The following STRN variants were observed in gnomAD, a reference collection of about 807,000 sequenced individuals.
STRN encodes the protein protein phosphatase 2 regulatory subunit B'''alpha.
STRN carries 53 observed loss-of-function variants against 96.3 expected under a neutral mutation model. That is an observed-to-expected ratio of 0.55 (90% CI 0.44 to 0.69). The LOEUF (loss-of-function observed/expected upper bound fraction) is 0.69. Ranked by LOEUF, STRN falls within the 30% of genes least tolerant of loss-of-function variation. The pLI, the probability that STRN is intolerant of heterozygous loss-of-function variation, is 0.00. For missense variants in STRN, 987 were observed against 963.9 expected (o/e 1.02, Z -0.32); for synonymous variants, 428 against 355.9 (o/e 1.20, Z -2.28).
chr2:36,875,751 G>T (rs553058515), intron 10 of STRN, among the ~76,000 whole-genome samples: 1 of 151,498 alleles, frequency 6.6e-6, no homozygotes, highest in Non-Finnish European at 1.5e-5. Flanking sequence ...CTGCCTCCCG[G>T]GTTCACGCCA....
At chr2:36,856,022 C>A (rs1200973901) in intron 14 of STRN, among the ~76,000 whole-genome samples, 1 of 152,092 alleles carries the variant, frequency 6.6e-6, no homozygotes. Context: ...AATGTGCATA[C>A]TGCAGAAGAA....
intron 12 of STRN, chr2:36,867,608 A>C (rs759316895): frequency 1.2e-4 from 45 of 367,646 alleles, no homozygotes; most frequent in Non-Finnish European, 1.9e-4. Context: ...CTTAAACACC[A>C]TGTAAATAAA....
intron 3 of STRN, among the ~76,000 whole-genome samples, chr2:36,909,765 G>T (rs1381093853): frequency 3.3e-5 from 5 of 152,076 alleles, no homozygotes; most frequent in African/African-American, 1.2e-4. Flanking sequence ...TAGAACCAAT[G>T]ATAAAGAGAA....
At chr2:36,944,350 A>G (rs1351561876) in intron 1 of STRN, among the ~76,000 whole-genome samples, 8 of 152,226 alleles carry the variant, frequency 5.3e-5, no homozygotes, top group Admixed American at 5.2e-4. Flanking sequence ...AGAAGGAAAT[A>G]TATGGCTGCA....
intron 1 of STRN, among the ~76,000 whole-genome samples, 199 bp downstream of exon 1, chr2:36,966,031 G>A (rs934481336): frequency 6.6e-6 from 1 of 151,914 alleles, no homozygotes; most frequent in Non-Finnish European, 1.5e-5. Flanking sequence ...CACCAGGAGC[G>A]GGAGTGAGAA....
intron 3 of STRN, 136 bp from the exon 4 acceptor site, chr2:36,905,754 A>G: frequency 1.5e-6 from 1 of 673,210 alleles, no homozygotes; most frequent in East Asian, 2.8e-5. Flanking sequence ...GTGTTAGGAT[A>G]ATGTAAGTTC....
In STRN at chr2:36,849,657, T is replaced by A. The variant is rs765510073; in HGVS notation, c.2174-32A>T. On this transcript the variant is annotated intron_variant, in intron 17 of 17. Coordinates refer to ENST00000263918, the MANE Select transcript of STRN (RefSeq NM_003162.4). ...CCAAAAAAAAAATTAAAAGGAAAAA[T>A]TACATTAACATGAAAATGGTAAGGA... The A allele has an allele frequency of 1.1e-5, 17 of 1,611,840 alleles. No individual in the cohort carries two copies. The Admixed American group carries it at 1.7e-4, about 16-fold the overall frequency.
At chr2:36,861,651 C>T (rs2148138045) in intron 12 of STRN, among the ~76,000 whole-genome samples, 2 of 151,940 alleles carry the variant, frequency 1.3e-5, no homozygotes, top group Middle Eastern at 6.8e-3. Flanking sequence ...AAAAGTATGC[C>T]AATCTCTGTG....
chr2:36,913,024 C>T (rs767956100), intron 3 of STRN, among the ~76,000 whole-genome samples: 1 of 152,160 alleles, frequency 6.6e-6, no homozygotes, highest in Non-Finnish European at 1.5e-5. Flanking sequence ...AGAACTAGTT[C>T]CTGCATATTT....
At position 36,847,502 on chromosome 2, in the gene STRN, G is replaced by A. The variant is rs1229692018; in HGVS notation, c.*1954C>T. 1 of 152,068 alleles carries A rather than the reference G, an allele frequency of 6.6e-6. No homozygotes were observed. Among genetic ancestry groups the A allele is most frequent in the African/African-American group, 2.4e-5 (1 of 41,426 alleles). The allele number at this position is 152,068 out of a possible 1,614,324, so 9.4% of individuals were successfully genotyped here. ...TTTACTGAACACAATATGGAATTCTGTATCTGCATGGAAATATTAAGTATT... is the reference window on the plus strand; with the variant it reads ...TTTACTGAACACAATATGGAATTCTATATCTGCATGGAAATATTAAGTATT... On this transcript the variant is annotated 3_prime_UTR_variant, in exon 18 of 18. Coordinates refer to ENST00000263918, the MANE Select transcript of STRN (RefSeq NM_003162.4).
intron 2 of STRN, 51 bp from the exon 3 acceptor site, chr2:36,916,202 A>C (rs747224290): frequency 6.8e-7 from 1 of 1,473,430 alleles, no homozygotes; most frequent in Non-Finnish European, 9.4e-7. Context: ...GTTTAAATTA[A>C]CATACACAAT....
Position 36,847,920 on chromosome 2 carries a change from A to C in STRN, c.*1536T>G, listed in dbSNP as rs1265011111. 1 of 152,216 alleles carries C rather than the reference A, an allele frequency of 6.6e-6. No individual in the cohort carries two copies. The highest frequency in any genetic ancestry group is 2.4e-5 in the African/African-American group (1 of 41,460). The allele number at this position is 152,216 out of a possible 1,614,324, so 9.4% of individuals were successfully genotyped here. A position where few individuals can be genotyped will look rare whatever the true frequency, so the allele number is the denominator to read the frequency against. On this transcript the variant is annotated 3_prime_UTR_variant, in exon 18 of 18. Coordinates refer to ENST00000263918, the MANE Select transcript of STRN (RefSeq NM_003162.4). Reference sequence around the variant, plus strand: ...AGATTTAATATTTTTAAAATCTAAGAGCCTATTTATATGTTTTTTGGTGGA... The same window carrying C: ...AGATTTAATATTTTTAAAATCTAAGCGCCTATTTATATGTTTTTTGGTGGA...
At chr2:36,899,688 T>C (rs375846243) in intron 5 of STRN, 30 bp from the exon 6 acceptor site, 4 of 1,538,172 alleles carry the variant, frequency 2.6e-6, no homozygotes, top group Non-Finnish European at 3.5e-6. Context: ...TCCTGCTTAG[T>C]TAATCTTTTT....
At chr2:36,940,191 C>A (rs999860489) in intron 1 of STRN, among the ~76,000 whole-genome samples, 1 of 151,944 alleles carries the variant, frequency 6.6e-6, no homozygotes, top group Non-Finnish European at 1.5e-5. Context: ...TAAACATATT[C>A]AAATGAGGCA....
At chr2:36,904,848 G>C (rs1419465825) in intron 4 of STRN, among the ~76,000 whole-genome samples, 1 of 151,852 alleles carries the variant, frequency 6.6e-6, no homozygotes, top group Non-Finnish European at 1.5e-5. Context: ...CTGAATGAAT[G>C]AATGAATGAA....
intron 8 of STRN, among the ~76,000 whole-genome samples, chr2:36,885,487 G>A (rs1056358762): frequency 3.9e-5 from 6 of 152,018 alleles, no homozygotes; most frequent in African/African-American, 1.4e-4. Context: ...TATATTTGGC[G>A]AAAAGGTATG....
At chr2:36,965,476 T>G (rs901729072) in intron 1 of STRN, among the ~76,000 whole-genome samples, 3 of 152,202 alleles carry the variant, frequency 2.0e-5, no homozygotes, top group African/African-American at 7.2e-5. Context: ...TAGTTCCTTT[T>G]AAAGCACAAG....
intron 1 of STRN, among the ~76,000 whole-genome samples, chr2:36,945,238 T>C (rs1670949734): frequency 6.6e-6 from 1 of 152,012 alleles, no homozygotes; most frequent in South Asian, 2.1e-4. Context: ...ATGAGAGGAA[T>C]AGAGATAAAA....
chr2:36,951,156 C>T (rs1664744597), intron 1 of STRN, among the ~76,000 whole-genome samples: 1 of 152,038 alleles, frequency 6.6e-6, no homozygotes, highest in African/African-American at 2.4e-5. Context: ...GTTACAGGGC[C>T]CTACTGATAA....
Sources: gnomAD v4.1 joint callset for allele counts (sites outside exome capture counted in the v4.1 genomes callset) on GRCh38, gnomAD v4.1.1 for gene constraint, MANE v1.5 for transcripts, NCBI Gene and HGNC (gene_info 2026-07-23, HGNC 2026-07-21) for gene names.